Variants in BTBD3 observed in about 807,000 individuals in gnomAD.
BTBD3 encodes BTB/POZ domain-containing protein 3.
BTBD3 carries 14 observed loss-of-function variants against 41.6 expected under a neutral mutation model. The ratio of observed to expected loss-of-function variants is 0.34; its 90% CI spans 0.22 to 0.53. The LOEUF (loss-of-function observed/expected upper bound fraction) is 0.53. BTBD3 is among the 20% of genes least tolerant of loss of function. The pLI is 0.95. For missense variants in BTBD3, 426 were observed against 654.7 expected, an observed-to-expected ratio of 0.65 and a Z score of 3.81; for synonymous variants, 249 against 233.7, an observed-to-expected ratio of 1.07 and a Z score of -0.60.
upstream of BTBD3, chr20:11,917,872 C>T (rs555382474): frequency 1.7e-5 from 17 of 984,260 alleles, no homozygotes; most frequent in Admixed American, 7.5e-4. Flanking sequence ...GCTGTAATAC[C>T]TACTCTCCTC....
intron 1 of BTBD3, among the ~76,000 whole-genome samples, chr20:11,903,610 TA>T (rs1231343360): frequency 2.6e-5 from 4 of 151,948 alleles, no homozygotes; most frequent in African/African-American, 9.7e-5. Flanking sequence ...TGACTGTTCT[TA>T]ATTTTTTTTT....
In BTBD3 at chr20:11,902,180, C is replaced by G. The variant is rs563765489; in HGVS notation, c.-126+11226C>G. 1.2e-3 allele frequency among the ~76,000 whole-genome samples: 177 copies of G among 151,952 alleles called. 3 individuals are homozygous for G. The highest frequency in any genetic ancestry group is 1.4e-3 in the Admixed American group (22 of 15,266). ...GTCAGTAAACGCATATTTTGTGTGT[C>G]GTATATATTATATACTACATTCTTA... On this transcript the variant is annotated intron_variant, in intron 1 of 4. Transcript: ENST00000254977.
At chr20:11,918,747 T>G in intron 1 of BTBD3, 146 bp downstream of exon 1, 1 of 911,522 alleles carries the variant, frequency 1.1e-6, no homozygotes, top group Non-Finnish European at 1.6e-6. Context: ...GCCTTGTATC[T>G]TTTCCAAAAC....
At chr20:11,907,563 A>G (rs910564397) in intron 1 of BTBD3, among the ~76,000 whole-genome samples, 2 of 152,236 alleles carry the variant, frequency 1.3e-5, no homozygotes, top group Admixed American at 6.5e-5. Context: ...CCTCAGAGAA[A>G]GCACACTTTA....
rs1451276177 is a variant in BTBD3, at chr20:11,925,994, T to C, written c.*2328T>C. ...GAGAGCTGTGGGTAAAATTTGAAAA[T>C]TGTATTTAGAATAAGAAATTTTACA... On this transcript the variant is annotated 3_prime_UTR_variant, in exon 4 of 4. Coordinates refer to ENST00000378226, the MANE Select transcript of BTBD3 (RefSeq NM_014962.4). 6.6e-6 allele frequency: 1 copy of C among 152,198 alleles called. No individual in the cohort carries two copies. The allele number at this position is 152,198 out of a possible 1,614,324, so 9.4% of individuals were successfully genotyped here.
chr20:11,899,281 C>T (rs1236813730), intron 1 of BTBD3, among the ~76,000 whole-genome samples: 1 of 152,190 alleles, frequency 6.6e-6, no homozygotes, highest in Admixed American at 6.5e-5. Flanking sequence ...ATCAAAGGAT[C>T]TCAGTCCTTT....
At chr20:11,906,706 T>C (rs966078697) in intron 1 of BTBD3, among the ~76,000 whole-genome samples, 29 of 152,236 alleles carry the variant, frequency 1.9e-4, no homozygotes, top group Admixed American at 1.8e-3. Flanking sequence ...AGTATACTTT[T>C]CTACTTGTGC....
At chr20:11,916,550 GAAT>G (rs2056918915), upstream of BTBD3, among the ~76,000 whole-genome samples, 1 of 152,162 alleles carries the variant, frequency 6.6e-6, no homozygotes, top group South Asian at 2.1e-4. Context: ...ATGGTTTTAA[GAAT>G]AATAATAACA....
intron 1 of BTBD3, among the ~76,000 whole-genome samples, chr20:11,900,496 C>A (rs1386619478): frequency 6.6e-6 from 1 of 152,054 alleles, no homozygotes; most frequent in Non-Finnish European, 1.5e-5. Context: ...ATTTCTTCTA[C>A]TAATCTGTTT....
At chr20:11,918,764 G>A in intron 1 of BTBD3, 163 bp downstream of exon 1, 1 of 753,662 alleles carries the variant, frequency 1.3e-6, no homozygotes, top group East Asian at 2.8e-5. Context: ...AAACAGTACA[G>A]CTGTTTTCCT....
intron 1 of BTBD3, among the ~76,000 whole-genome samples, chr20:11,900,001 T>C (rs1275086305): frequency 6.6e-6 from 1 of 152,236 alleles, no homozygotes; most frequent in Non-Finnish European, 1.5e-5. Context: ...TAATTCAAAA[T>C]ATACCTAGCT....
At chr20:11,898,816 A>G (rs555897561) in intron 1 of BTBD3, among the ~76,000 whole-genome samples, 12 of 152,336 alleles carry the variant, frequency 7.9e-5, no homozygotes, top group South Asian at 2.1e-4. Flanking sequence ...GAGAGTGGTT[A>G]TGAGAATTAA....
chr20:11,897,484 C>CAAAAAAAA (rs71186168), intron 1 of BTBD3, among the ~76,000 whole-genome samples: 11 of 65,370 alleles, frequency 1.7e-4, no homozygotes, highest in East Asian at 5.8e-4. Flanking sequence ...GTTATTTAAG[C>CAAAAAAAA]AAAAAAAAAA....
intron 1 of BTBD3, among the ~76,000 whole-genome samples, chr20:11,898,413 C>T (rs1026195757): frequency 2.6e-5 from 4 of 152,158 alleles, no homozygotes; most frequent in South Asian, 2.1e-4. Context: ...TTTGTCTGTG[C>T]GATTACTCTA....
At chr20:11,895,967 C>T (rs991595247) in intron 1 of BTBD3, among the ~76,000 whole-genome samples, 2 of 152,116 alleles carry the variant, frequency 1.3e-5, no homozygotes, top group African/African-American at 4.8e-5. Flanking sequence ...CCTTGGGTCT[C>T]TATGTCTTCT....
At chr20:11,903,221 T>C (rs1450317109) in intron 1 of BTBD3, among the ~76,000 whole-genome samples, 9 of 152,306 alleles carry the variant, frequency 5.9e-5, no homozygotes, top group African/African-American at 1.9e-4. Flanking sequence ...AATATTAAAA[T>C]GGCACTGTAG....
At chr20:11,905,147 T>C (rs936945292) in intron 1 of BTBD3, among the ~76,000 whole-genome samples, 1 of 152,202 alleles carries the variant, frequency 6.6e-6, no homozygotes. Context: ...CTTGAAGCCT[T>C]GAATTTTATT....
chr20:11,900,553 CTA>C (rs1363795969), intron 1 of BTBD3, among the ~76,000 whole-genome samples: 3 of 152,008 alleles, frequency 2.0e-5, no homozygotes, highest in Non-Finnish European at 4.4e-5. Context: ...CAAACATACT[CTA>C]TAGTGAGGGA....
chr20:11,918,057 G>A lies in BTBD3; in HGVS notation c.-219G>A, dbSNP rs950760153. 7.7e-7 allele frequency: 1 copy of A among 1,291,944 alleles called. No individual in the cohort carries two copies. The highest frequency in any genetic ancestry group is 9.8e-7 in the Non-Finnish European group (1 of 1,024,276). 80.0% of individuals were successfully genotyped at this position (1,291,944 alleles called of 1,614,324 possible). ...TTTTATGAGCAAATAAGAGAAACAG[G>A]AATCATGATGGGGATATATTTAACA... On this transcript the variant is annotated 5_prime_UTR_variant, in exon 1 of 4. Transcript: ENST00000378226.
Sources: gnomAD v4.1 joint callset for allele counts (sites outside exome capture counted in the v4.1 genomes callset) on GRCh38, gnomAD v4.1.1 for gene constraint, MANE v1.5 for transcripts, NCBI Gene and HGNC (gene_info 2026-07-23, HGNC 2026-07-21) for gene names.